ASB4: variants seen among roughly 807,000 people sequenced by gnomAD.
ASB4 encodes the protein ankyrin repeat and SOCS box protein 4.
A neutral mutation model predicts 38.6 loss-of-function variants in ASB4; 35 were observed. The ratio of observed to expected loss-of-function variants is 0.91; its 90% CI spans 0.69 to 1.20. ASB4 has a LOEUF of 1.20. ASB4 is among the 50% of genes most tolerant of loss of function. The pLI is 0.00. For synonymous variants in ASB4, 195 were observed against 201.3 expected (o/e 0.97, Z 0.26); for missense variants, 557 against 527.2 (o/e 1.06, Z -0.55).
chr7:95,526,764 T>A lies in ASB4; in HGVS notation c.488-1049T>A, dbSNP rs963131942. 2.4e-4 allele frequency among the ~76,000 whole-genome samples: 36 copies of A among 152,122 alleles called. 1 individual carries two copies. The highest frequency in any genetic ancestry group is 1.5e-5 in the Non-Finnish European group (1 of 68,014). On this transcript the variant is annotated intron_variant, in intron 2 of 4. Transcript: ENST00000325885. ...GTTACTAGCATAATAATAACAATAATAATAATAAGTCTGTACAGACTAATA... is the reference window on the plus strand; with the variant it reads ...GTTACTAGCATAATAATAACAATAAAAATAATAAGTCTGTACAGACTAATA...
chr7:95,481,706 A>G (rs1790022817), upstream of ASB4, among the ~76,000 whole-genome samples: 1 of 152,206 alleles, frequency 6.6e-6, no homozygotes, highest in African/African-American at 2.4e-5. Flanking sequence ...GTACACAGAC[A>G]AGCATCTGGG....
upstream of ASB4, among the ~76,000 whole-genome samples, chr7:95,484,276 G>A (rs1187436977): frequency 6.6e-6 from 1 of 152,104 alleles, no homozygotes; most frequent in Non-Finnish European, 1.5e-5. Flanking sequence ...AGGTTGCAGT[G>A]AGCCCAGATC....
chr7:95,522,037 T>A (rs986118476), intron 2 of ASB4, among the ~76,000 whole-genome samples: 1 of 152,124 alleles, frequency 6.6e-6, no homozygotes, highest in Non-Finnish European at 1.5e-5. Context: ...TTTTCTGGAA[T>A]TTTCTCTATG....
chr7:95,530,816 T>G (rs984267757), intron 3 of ASB4, among the ~76,000 whole-genome samples: 22 of 152,078 alleles, frequency 1.4e-4, no homozygotes, highest in African/African-American at 4.8e-4. Context: ...TTTGACTGCC[T>G]TTCAGAGAAT....
intron 2 of ASB4, among the ~76,000 whole-genome samples, chr7:95,514,372 A>C (rs1790525904): frequency 6.6e-6 from 1 of 152,236 alleles, no homozygotes; most frequent in South Asian, 2.1e-4. Context: ...AAAACTTACC[A>C]AAGCCCTTTA....
chr7:95,548,136 G>T, the ASB4 span, among the ~76,000 whole-genome samples: 1 of 152,162 alleles, frequency 6.6e-6, no homozygotes, highest in East Asian at 1.9e-4. Flanking sequence ...TTACAAGAAA[G>T]TACCAAACTG....
Position 95,486,015 on chromosome 7 carries a change from A to G in ASB4, c.44A>G (p.Lys15Arg). 2 of 1,614,116 alleles carry G rather than the reference A, an allele frequency of 1.2e-6. No homozygotes were observed. Among genetic ancestry groups the G allele is most frequent in the Non-Finnish European group, 1.7e-6 (2 of 1,179,986 alleles). The change falls in exon 1 of 5, where the codon AAG (lysine) becomes AGG (arginine). Residue 15 changes from lysine (K) to arginine (R), a missense_variant. Coordinates refer to ENST00000325885, the MANE Select transcript of ASB4 (RefSeq NM_016116.3). ...CCTGTCACTAAATCTGGAGCTGCCA[A>G]GTTAGTTAAGAGAAATTTCCTTGAG... is the stretch of plus-strand genomic sequence containing the variant. ...TAPVTKSGAAKLVKRNFLEAL... is the reference protein window; with the variant it reads ...TAPVTKSGAARLVKRNFLEAL...
chr7:95,521,818 T>C (rs79570110), intron 2 of ASB4, among the ~76,000 whole-genome samples: 2,485 of 152,052 alleles, frequency 0.016, 75 homozygotes, highest in African/African-American at 0.055. Context: ...GATACACATA[T>C]AAATAGTAAA....
At chr7:95,541,299 G>T (rs913920375), downstream of ASB4, among the ~76,000 whole-genome samples, 1 of 152,204 alleles carries the variant, frequency 6.6e-6, no homozygotes, top group Non-Finnish European at 1.5e-5. Flanking sequence ...GTTATTAACA[G>T]ATTAAAACAT....
At chr7:95,476,220 CTAA>C (rs1789975242), upstream of ASB4, among the ~76,000 whole-genome samples, 1 of 152,150 alleles carries the variant, frequency 6.6e-6, no homozygotes, top group East Asian at 1.9e-4. Context: ...TGTCAGACAC[CTAA>C]TAATAACTCA....
chr7:95,508,000 T>C (rs1170289207), intron 2 of ASB4, among the ~76,000 whole-genome samples: 1 of 152,106 alleles, frequency 6.6e-6, no homozygotes, highest in Non-Finnish European at 1.5e-5. Context: ...ACAAGCCTTT[T>C]AAGGAGTATT....
At chr7:95,506,686 C>CTTTTTTT (rs76270182) in intron 2 of ASB4, among the ~76,000 whole-genome samples, 1 of 119,962 alleles carries the variant, frequency 8.3e-6, no homozygotes, top group Admixed American at 8.2e-5. Flanking sequence ...AATTTAGATT[C>CTTTTTTT]TTTTTTTTTT....
upstream of ASB4, among the ~76,000 whole-genome samples, chr7:95,482,144 C>T (rs552279778): frequency 3.9e-5 from 6 of 152,268 alleles, no homozygotes; most frequent in East Asian, 1.2e-3. Context: ...TCCTTTGCTG[C>T]TCAGGTAAAA....
downstream of ASB4, among the ~76,000 whole-genome samples, chr7:95,541,166 A>T (rs1321318899): frequency 6.6e-6 from 1 of 152,100 alleles, no homozygotes; most frequent in Non-Finnish European, 1.5e-5. Context: ...TCCCCTCTTT[A>T]TCTGACTCAT....
intron 2 of ASB4, among the ~76,000 whole-genome samples, chr7:95,523,383 C>T (rs537495099): frequency 3.9e-5 from 6 of 152,018 alleles, no homozygotes; most frequent in East Asian, 3.9e-4. Flanking sequence ...CAAAGCCGAA[C>T]GATTTCACCT....
chr7:95,478,567 T>A (rs1789997644), exon 1 of ASB4: 2 of 152,142 alleles, frequency 1.3e-5, no homozygotes, highest in Admixed American at 1.3e-4. Context: ...TCTAGCATCG[T>A]GCCAGCGACC....
chr7:95,534,106 A>G (rs189539164), intron 3 of ASB4, among the ~76,000 whole-genome samples: 3 of 152,300 alleles, frequency 2.0e-5, no homozygotes, highest in African/African-American at 7.2e-5. Flanking sequence ...GCACTTTCAG[A>G]TGCCTAGGCG....
upstream of ASB4, among the ~76,000 whole-genome samples, chr7:95,482,927 G>A (rs975618676): frequency 3.3e-5 from 5 of 152,320 alleles, no homozygotes; most frequent in Admixed American, 2.6e-4. Flanking sequence ...ACTGAGGTTA[G>A]CGGCTCAGCA....
chr7:95,523,135 C>T (rs897407019), intron 2 of ASB4, among the ~76,000 whole-genome samples: 7 of 151,940 alleles, frequency 4.6e-5, no homozygotes, highest in African/African-American at 1.5e-4. Context: ...AAAATCCAGA[C>T]GAATCAAATT....
Sources: gnomAD v4.1 joint callset for allele counts (sites outside exome capture counted in the v4.1 genomes callset) on GRCh38, gnomAD v4.1.1 for gene constraint, MANE v1.5 for transcripts, NCBI Gene and HGNC (gene_info 2026-07-23, HGNC 2026-07-21) for gene names.